Variants in MBNL1 observed in about 807,000 individuals in gnomAD.
MBNL1 encodes the protein muscleblind-like protein 1.
A neutral mutation model predicts 42.2 loss-of-function variants in MBNL1; 8 were observed. The observed-to-expected ratio is 0.19, with a 90% CI of 0.11 to 0.34. The LOEUF is 0.34. Ranked by LOEUF, MBNL1 falls within the 10% of genes least tolerant of loss-of-function variation. MBNL1 has a pLI of 1.00. For synonymous variants in MBNL1, 169 were observed against 173.9 expected, an observed-to-expected ratio of 0.97 and a Z score of 0.22; for missense variants, 309 against 495.3, an observed-to-expected ratio of 0.62 and a Z score of 3.57.
chr3:152,428,997 TTTA>T (rs1283817936), intron 3 of MBNL1, among the ~76,000 whole-genome samples: 1 of 152,216 alleles, frequency 6.6e-6, no homozygotes, highest in Non-Finnish European at 1.5e-5. Flanking sequence ...TCAACAGGTA[TTTA>T]TTGAGCGCCT....
At chr3:152,402,642 TG>T (rs2098275121) in intron 2 of MBNL1, among the ~76,000 whole-genome samples, 1 of 146,306 alleles carries the variant, frequency 6.8e-6, no homozygotes, top group Admixed American at 7.0e-5. Flanking sequence ...AATTTGTACT[TG>T]GATAACAGTA....
intron 2 of MBNL1, among the ~76,000 whole-genome samples, chr3:152,379,766 G>T (rs2097099358): frequency 1.3e-5 from 2 of 151,964 alleles, no homozygotes; most frequent in Non-Finnish European, 2.9e-5. Flanking sequence ...GTCTTATTTT[G>T]CATTTTTTTT....
chr3:152,359,686 A>G (rs1416394988), intron 2 of MBNL1, among the ~76,000 whole-genome samples: 1 of 152,180 alleles, frequency 6.6e-6, no homozygotes, highest in Non-Finnish European at 1.5e-5. Context: ...ATAATAAAAG[A>G]TAAGGGATGG....
chr3:152,407,073 T>TGTG lies in MBNL1; in HGVS notation c.175-7868_175-7867insGTG, dbSNP rs57861310. Among the ~76,000 whole-genome samples the TGTG allele has an allele frequency of 1.4e-3, 208 of 149,020 alleles. 4 individuals are homozygous for TGTG. The highest frequency in any genetic ancestry group is 0.012 in the South Asian group (56 of 4,674). On this transcript the variant is annotated intron_variant, in intron 2 of 9. Coordinates refer to ENST00000324210, the MANE Select transcript of MBNL1 (RefSeq NM_021038.5). ...TGTGTGTGTGTGTGTGTGTGTGTGTTTGTGTGAACTTTTCACAGGACCAGG... is the reference window on the plus strand; with the variant it reads ...TGTGTGTGTGTGTGTGTGTGTGTGTTGTGTGTGTGAACTTTTCACAGGACCAGG...
intron 2 of MBNL1, among the ~76,000 whole-genome samples, chr3:152,401,768 G>A (rs918647095): frequency 6.6e-6 from 1 of 152,200 alleles, no homozygotes; most frequent in African/African-American, 2.4e-5. Context: ...GCTCACGCCT[G>A]TAATCCCAGC....
chr3:152,347,425 G>C (rs1264963882), intron 2 of MBNL1, among the ~76,000 whole-genome samples: 1 of 152,050 alleles, frequency 6.6e-6, no homozygotes, highest in Non-Finnish European at 1.5e-5. Flanking sequence ...TTAGGTTATA[G>C]TTTTCATATC....
Position 152,450,587 on chromosome 3 carries a change from CT to C in MBNL1, c.961+2817del, listed in dbSNP as rs540174720. ...CTAAAGAGTATAGTCAATGTTCAGA[CT>C]TTGCCTTTTGTTGCCTCAGAGGATT... is the stretch of plus-strand genomic sequence containing the variant. On this transcript the variant is annotated intron_variant, in intron 6 of 9. Coordinates refer to ENST00000324210, the MANE Select transcript of MBNL1 (RefSeq NM_021038.5). Among the ~76,000 whole-genome samples the C allele has an allele frequency of 1.0e-3, 158 of 152,330 alleles. 1 individual carries two copies. The highest frequency in any genetic ancestry group is 3.7e-3 in the African/African-American group (155 of 41,578).
At chr3:152,307,830 T>G (rs1325438207) in intron 2 of MBNL1, among the ~76,000 whole-genome samples, 1 of 152,106 alleles carries the variant, frequency 6.6e-6, no homozygotes, top group African/African-American at 2.4e-5. Context: ...CAAGACAAAT[T>G]TATAGTACAG....
At chr3:152,447,230 T>C (rs1337551870) in intron 5 of MBNL1, among the ~76,000 whole-genome samples, 1 of 152,208 alleles carries the variant, frequency 6.6e-6, no homozygotes, top group Non-Finnish European at 1.5e-5. Context: ...TTTCAGTCAC[T>C]CTGTACAATT....
At chr3:152,387,414 TA>T (rs1272125071) in intron 2 of MBNL1, among the ~76,000 whole-genome samples, 1 of 152,114 alleles carries the variant, frequency 6.6e-6, no homozygotes, top group Non-Finnish European at 1.5e-5. Flanking sequence ...AGACTTAAAA[TA>T]TTAAAATCAA....
chr3:152,391,379 ACTT>A (rs1338349974), intron 2 of MBNL1, among the ~76,000 whole-genome samples: 4 of 152,234 alleles, frequency 2.6e-5, no homozygotes, highest in Non-Finnish European at 5.9e-5. Context: ...AACTGCTTAA[ACTT>A]CTGTTCACAG....
At chr3:152,287,256 A>AGT (rs2053080573) in intron 1 of MBNL1, among the ~76,000 whole-genome samples, 1 of 152,090 alleles carries the variant, frequency 6.6e-6, no homozygotes, top group Admixed American at 6.5e-5. Context: ...AGTATCTTAG[A>AGT]GTGATGTGCA....
At chr3:152,270,564 TG>T (rs1448918730) in intron 1 of MBNL1, among the ~76,000 whole-genome samples, 1 of 152,164 alleles carries the variant, frequency 6.6e-6, no homozygotes, top group African/African-American at 2.4e-5. Context: ...AGAGAGAAAA[TG>T]AAAGTTCAAC....
chr3:152,273,234 G>C (rs1031368971), intron 1 of MBNL1, among the ~76,000 whole-genome samples: 1 of 152,164 alleles, frequency 6.6e-6, no homozygotes, highest in Non-Finnish European at 1.5e-5. Flanking sequence ...AGAGCTATTG[G>C]CATATGGCAT....
intron 1 of MBNL1, among the ~76,000 whole-genome samples, chr3:152,298,170 A>G (rs752291592): frequency 4.6e-5 from 7 of 152,174 alleles, no homozygotes; most frequent in Non-Finnish European, 1.0e-4. Flanking sequence ...CAATAGAGCA[A>G]TTTTGGCTCA....
chr3:152,291,538 C>A (rs759256093), intron 1 of MBNL1, among the ~76,000 whole-genome samples: 3 of 152,164 alleles, frequency 2.0e-5, no homozygotes, highest in Non-Finnish European at 4.4e-5. Context: ...AAAATACAAA[C>A]TAGTCTGATA....
intron 4 of MBNL1, among the ~76,000 whole-genome samples, chr3:152,444,244 C>T (rs1390719986): frequency 6.6e-6 from 1 of 152,082 alleles, no homozygotes; most frequent in Non-Finnish European, 1.5e-5. Flanking sequence ...GTAAAAGGGT[C>T]AAAGTATCCT....
chr3:152,311,987 G>A (rs544991777), intron 2 of MBNL1, among the ~76,000 whole-genome samples: 28 of 151,834 alleles, frequency 1.8e-4, no homozygotes, highest in African/African-American at 2.4e-4. Flanking sequence ...TCAGGAGATC[G>A]AGACCATCCC....
intron 4 of MBNL1, among the ~76,000 whole-genome samples, chr3:152,433,868 TC>T (rs1325974978): frequency 2.6e-5 from 4 of 152,226 alleles, no homozygotes; most frequent in African/African-American, 9.6e-5. Context: ...AAATCTTATT[TC>T]AAAGTGGTTG....
Sources: allele counts gnomAD v4.1 joint callset (sites outside exome capture counted in the v4.1 genomes callset), GRCh38; gene constraint gnomAD v4.1.1; transcripts MANE v1.5; gene names NCBI Gene and HGNC (gene_info 2026-07-23, HGNC 2026-07-21).